RAB3C: variants seen among roughly 807,000 people sequenced by gnomAD.
RAB3C encodes ras-related protein Rab-3C.
Under a neutral mutation model 26.4 loss-of-function variants are expected in RAB3C, and 17 were observed. That is an observed-to-expected ratio of 0.64 (90% confidence interval 0.44 to 0.97). RAB3C has a LOEUF of 0.97. Ranked by LOEUF, RAB3C falls within the 50% of genes least tolerant of loss-of-function variation. The probability of loss-of-function intolerance (pLI) is 0.00; values close to 1 mark genes in which losing one functional copy is unlikely to be tolerated. For synonymous variants in RAB3C, 91 were observed against 95.9 expected, an observed-to-expected ratio of 0.95 and a Z score of 0.30; for missense variants, 242 against 281.9, an observed-to-expected ratio of 0.86 and a Z score of 1.01.
At chr5:58,658,827 C>A (rs1347282414) in intron 2 of RAB3C, among the ~76,000 whole-genome samples, 1 of 152,122 alleles carries the variant, frequency 6.6e-6, no homozygotes, top group East Asian at 1.9e-4. Flanking sequence ...TAGCAGACCA[C>A]CCTGGGTTTG....
At chr5:58,689,411 G>A (rs1748515102) in intron 2 of RAB3C, 1 of 152,102 alleles carries the variant, frequency 6.6e-6, no homozygotes, top group South Asian at 2.1e-4. Context: ...CAGTTATGTA[G>A]ATGTCTATTT....
At chr5:58,819,887 AG>A (rs1743301172) in intron 3 of RAB3C, among the ~76,000 whole-genome samples, 1 of 152,178 alleles carries the variant, frequency 6.6e-6, no homozygotes, top group South Asian at 2.1e-4. Flanking sequence ...TGTGACATTG[AG>A]ATATGCCTTT....
chr5:58,799,702 T>C lies in RAB3C; in HGVS notation c.372-25336T>C, dbSNP rs190793076. Among the ~76,000 whole-genome samples the C allele has an allele frequency of 3.3e-5, 5 of 152,284 alleles. No homozygotes were observed. In the East Asian group the frequency reaches 9.7e-4, roughly 29 times the overall value. On this transcript the variant is annotated intron_variant, in intron 3 of 4. Coordinates refer to ENST00000282878, the MANE Select transcript of RAB3C (RefSeq NM_138453.4). ...GGGAAGGAGAAAGGCACTTCCCTCT[T>C]ATATGAATATTACTGAATTCATTCC...
chr5:58,583,411 T>G (rs963268084), intron 1 of RAB3C, 179 bp downstream of exon 1: 1 of 906,774 alleles, frequency 1.1e-6, no homozygotes, highest in Non-Finnish European at 1.3e-6. Context: ...TGGCTGTGAT[T>G]GGGGCTGTCT....
chr5:58,791,665 T>C (rs1428356482), intron 3 of RAB3C, among the ~76,000 whole-genome samples: 1 of 152,234 alleles, frequency 6.6e-6, no homozygotes, highest in East Asian at 1.9e-4. Context: ...TAAAAATGTT[T>C]TGATTTCATA....
intron 3 of RAB3C, chr5:58,814,563 C>A (rs1344383778): frequency 1.3e-5 from 2 of 152,158 alleles, no homozygotes; most frequent in Non-Finnish European, 2.9e-5. Flanking sequence ...TAAATCTTGT[C>A]TAATTTGAGA....
chr5:58,704,043 C>T (rs572622119), intron 2 of RAB3C, among the ~76,000 whole-genome samples: 1 of 152,246 alleles, frequency 6.6e-6, no homozygotes, highest in Middle Eastern at 3.4e-3. Context: ...AAGAATTGAA[C>T]CTTTTACCCA....
At position 58,610,194 on chromosome 5, in the gene RAB3C, CTGTG is replaced by C. The variant is rs1168785442; in HGVS notation, c.25-7423_25-7420del. Among the ~76,000 whole-genome samples, 63 of 143,482 alleles carry C rather than the reference CTGTG, an allele frequency of 4.4e-4. 2 individuals are homozygous for C. The highest frequency in any genetic ancestry group is 1.4e-3 in the Admixed American group (20 of 14,206). 94.1% of individuals were successfully genotyped at this position (143,482 alleles called of 152,430 possible). A position where few individuals can be genotyped will look rare whatever the true frequency, so the allele number is the denominator to read the frequency against. On this transcript the variant is annotated intron_variant, in intron 1 of 4. Transcript: ENST00000282878. ...TCAGAAAAAAATGATTTTTGTTTTT[CTGTG>C]TGTGTGTGTGTGTGTGTGTGTGTGT... is the stretch of plus-strand genomic sequence containing the variant.
chr5:58,591,001 T>C (rs1179491116), intron 1 of RAB3C, among the ~76,000 whole-genome samples: 1 of 152,240 alleles, frequency 6.6e-6, no homozygotes, highest in Non-Finnish European at 1.5e-5. Flanking sequence ...TATGATGTTT[T>C]TGTTTAATCC....
intron 2 of RAB3C, among the ~76,000 whole-genome samples, chr5:58,648,370 A>C (rs1455413354): frequency 6.6e-6 from 1 of 151,864 alleles, no homozygotes; most frequent in East Asian, 1.9e-4. Flanking sequence ...GATGAACAAG[A>C]CTCCCTGCTT....
chr5:58,856,774 G>T lies in RAB3C; in HGVS notation c.*5423G>T, dbSNP rs297039. ...CAGACACCTGCCCTTTCAGGGACGTGAGCATGACTTACATCTGTCAAGTGG... is the reference window on the plus strand; with the variant it reads ...CAGACACCTGCCCTTTCAGGGACGTTAGCATGACTTACATCTGTCAAGTGG... On this transcript the variant is annotated 3_prime_UTR_variant, in exon 5 of 5. Coordinates refer to ENST00000282878, the MANE Select transcript of RAB3C (RefSeq NM_138453.4). 68,622 of 152,082 alleles carry T rather than the reference G, an allele frequency of 0.45. 15,973 individuals carry two copies. The highest frequency in any genetic ancestry group is 0.64 in the Middle Eastern group (187 of 294). The allele number at this position is 152,082 out of a possible 1,614,324, so 9.4% of individuals were successfully genotyped here.
At chr5:58,802,541 A>G (rs1383919443) in intron 3 of RAB3C, among the ~76,000 whole-genome samples, 1 of 152,222 alleles carries the variant, frequency 6.6e-6, no homozygotes, top group Non-Finnish European at 1.5e-5. Flanking sequence ...AGAAGTTGCA[A>G]CCGTTCTTAG....
chr5:58,786,029 A>G (rs1044897864), intron 3 of RAB3C, among the ~76,000 whole-genome samples: 2 of 152,158 alleles, frequency 1.3e-5, no homozygotes, highest in Admixed American at 1.3e-4. Context: ...TGGCCCTGCT[A>G]AGGACACACT....
At chr5:58,683,865 TACTTA>T (rs1748394794) in intron 2 of RAB3C, among the ~76,000 whole-genome samples, 1 of 152,328 alleles carries the variant, frequency 6.6e-6, no homozygotes, top group Non-Finnish European at 1.5e-5. Flanking sequence ...GAGTAACTCT[TACTTA>T]ACTTAATAAT....
At chr5:58,603,725 G>A (rs1421945445) in intron 1 of RAB3C, among the ~76,000 whole-genome samples, 1 of 151,854 alleles carries the variant, frequency 6.6e-6, no homozygotes, top group East Asian at 1.9e-4. Flanking sequence ...TCATTTTTTG[G>A]ATTTCCTTAC....
chr5:58,821,747 T>C (rs752639711), intron 3 of RAB3C, among the ~76,000 whole-genome samples: 3 of 152,214 alleles, frequency 2.0e-5, no homozygotes, highest in Non-Finnish European at 4.4e-5. Flanking sequence ...ATGTACTTGG[T>C]TCAGGGGAAT....
At chr5:58,726,503 T>C (rs1740894175) in intron 3 of RAB3C, among the ~76,000 whole-genome samples, 1 of 151,958 alleles carries the variant, frequency 6.6e-6, no homozygotes, top group Non-Finnish European at 1.5e-5. Context: ...GCTTGTTTAG[T>C]AAATCAACTT....
chr5:58,642,074 C>T (rs754487500), intron 2 of RAB3C, among the ~76,000 whole-genome samples: 1 of 152,190 alleles, frequency 6.6e-6, no homozygotes, highest in African/African-American at 2.4e-5. Flanking sequence ...TGCACCTTGT[C>T]TAGCCTAACT....
chr5:58,783,245 A>G lies in RAB3C; in HGVS notation c.372-41793A>G, dbSNP rs140753923. Among the ~76,000 whole-genome samples, 354 of 152,216 alleles carry G rather than the reference A, an allele frequency of 2.3e-3. 1 individual carries two copies. Among genetic ancestry groups the G allele is most frequent in the African/African-American group, 8.3e-3 (346 of 41,534 alleles). ...CCCCATGAGATACTGATCAAGGGAC[A>G]TTTTTTTAGATTAAAGGCTAAAAGA... On this transcript the variant is annotated intron_variant, in intron 3 of 4. Transcript: ENST00000282878.
Sources: allele counts gnomAD v4.1 joint callset (sites outside exome capture counted in the v4.1 genomes callset), GRCh38; gene constraint gnomAD v4.1.1; transcripts MANE v1.5; gene names NCBI Gene and HGNC (gene_info 2026-07-23, HGNC 2026-07-21).